IGLL5: variants seen among roughly 807,000 people sequenced by gnomAD.
The protein encoded by IGLL5 is immunoglobulin lambda like polypeptide 5.
A neutral mutation model predicts 20.9 loss-of-function variants in IGLL5; 30 were observed. The ratio of observed to expected loss-of-function variants is 1.44; its 90% confidence interval spans 1.07 to 1.95. IGLL5 has a LOEUF of 1.95. IGLL5 is among the 30% of genes most tolerant of loss of function. The pLI is 0.00. For synonymous variants in IGLL5, 203 were observed against 117.3 expected (o/e 1.73, Z -4.72); for missense variants, 475 against 270.7 (o/e 1.75, Z -5.30).
At chr22:22,893,921 A>T (rs1306244549) in intron 2 of IGLL5, 103 bp downstream of exon 2, 17 of 836,582 alleles carry the variant, frequency 2.0e-5, no homozygotes, top group Middle Eastern at 2.2e-4. Context: ...TCCCAGCCTT[A>T]AGCACTGACC....
chr22:22,895,824 A>T lies in IGLL5; in HGVS notation c.*130A>T, dbSNP rs1601632485. 1 of 870,186 alleles carries T rather than the reference A, an allele frequency of 1.1e-6. No individual in the cohort carries two copies. Among genetic ancestry groups the T allele is most frequent in the Non-Finnish European group, 1.9e-6 (1 of 536,934 alleles). 53.9% of individuals were successfully genotyped at this position (870,186 alleles called of 1,614,324 possible). A position where few individuals can be genotyped will look rare whatever the true frequency, so the allele number is the denominator to read the frequency against. On this transcript the variant is annotated 3_prime_UTR_variant, in exon 3 of 3. Transcript: ENST00000526893. Reference sequence around the variant, plus strand: ...GAAACCCCAATAAATATCCTCATTGACAACCAGAAATCTTGTTTTATCTCA... The same window carrying T: ...GAAACCCCAATAAATATCCTCATTGTCAACCAGAAATCTTGTTTTATCTCA...
chr22:22,895,155 C>T (rs2066728117), intron 2 of IGLL5, among the ~76,000 whole-genome samples: 1 of 151,326 alleles, frequency 6.6e-6, no homozygotes, highest in Admixed American at 6.6e-5. Flanking sequence ...TGGGCCAGGA[C>T]ACCTGTGAAA....
intron 2 of IGLL5, among the ~76,000 whole-genome samples, chr22:22,894,423 C>G (rs2068029619): frequency 1.3e-5 from 2 of 151,460 alleles, no homozygotes; most frequent in African/African-American, 4.8e-5. Flanking sequence ...ACGGGTGAGA[C>G]TGGGTGAGGT....
At chr22:22,889,141 G>A (rs141583502) in intron 1 of IGLL5, among the ~76,000 whole-genome samples, 2,582 of 151,154 alleles carry the variant, frequency 0.017, 41 homozygotes, top group Non-Finnish European at 0.026. Context: ...AGGCTGATGC[G>A]ACGCCCGATT....
At chr22:22,888,288 G>A in intron 1 of IGLL5, 29 bp downstream of exon 1, 2 of 1,541,568 alleles carry the variant, frequency 1.3e-6, no homozygotes, top group Non-Finnish European at 8.8e-7. Context: ...CAGGGGATGT[G>A]GGGGTCCTGC....
In IGLL5 at chr22:22,888,233, A is replaced by C. The variant is rs1324896624; in HGVS notation, c.180A>C (p.Arg60=). The C allele has an allele frequency of 2.6e-6, 4 of 1,547,958 alleles. No individual in the cohort carries two copies. The highest frequency in any genetic ancestry group is 2.5e-5 in the East Asian group (1 of 40,588). ...PDPGASVGSS[R]SSLRSLWGRL... ...CTGGAGCCTCAGTTGGAAGCAGCCGATCCAGCCTGCGGAGCCTGTGGGGCA... is the reference window on the plus strand; with the variant it reads ...CTGGAGCCTCAGTTGGAAGCAGCCGCTCCAGCCTGCGGAGCCTGTGGGGCA... The change falls in exon 1 of 3, where the codon CGA becomes CGC. Residue 60 remains arginine, a synonymous_variant. Coordinates refer to ENST00000526893, the MANE Select transcript of IGLL5 (RefSeq NM_001178126.2).
chr22:22,888,680 C>G (rs2145983652), intron 1 of IGLL5, among the ~76,000 whole-genome samples: 1 of 151,366 alleles, frequency 6.6e-6, no homozygotes. Context: ...GGGCAGGGGC[C>G]ACTCCCTGGA....
intron 1 of IGLL5, among the ~76,000 whole-genome samples, 174 bp downstream of exon 1, chr22:22,888,433 A>C (rs186581925): frequency 2.0e-5 from 3 of 151,408 alleles, no homozygotes; most frequent in East Asian, 2.0e-4. Flanking sequence ...ATTTGTTTGA[A>C]TTACTGTTTT....
intron 2 of IGLL5, among the ~76,000 whole-genome samples, chr22:22,894,468 A>G (rs2068035543): frequency 5.9e-5 from 9 of 151,330 alleles, no homozygotes; most frequent in Admixed American, 2.6e-4. Flanking sequence ...AGTCACCAGA[A>G]AGGAGACAGT....
chr22:22,895,441 A>C lies in IGLL5; in HGVS notation c.392A>C (p.Lys131Thr), dbSNP rs2066746038. The change falls in exon 3 of 3, where the codon AAG becomes ACG. Residue 131 changes from lysine to threonine, a missense_variant. Lys to Thr is a moderately conservative substitution (Grantham distance 78, BLOSUM62 -1). Transcript: ENST00000526893. ...TCCTCTGAGGAGCTCCAAGCCAACAAGGCCACACTAGTGTGTCTGATCAGT... is the reference window on the plus strand; with the variant it reads ...TCCTCTGAGGAGCTCCAAGCCAACACGGCCACACTAGTGTGTCTGATCAGT... ...PPSSEELQAN[K>T]ATLVCLISDF... 1 of 1,612,796 alleles carries C rather than the reference A, an allele frequency of 6.2e-7. No homozygotes were observed. The highest frequency in any genetic ancestry group is 1.3e-5 in the African/African-American group (1 of 74,742).
intron 1 of IGLL5, among the ~76,000 whole-genome samples, chr22:22,889,866 A>G (rs1302447473): frequency 1.3e-5 from 2 of 151,288 alleles, no homozygotes; most frequent in Admixed American, 6.6e-5. Context: ...CACGTGCTGG[A>G]ATTACAGGCG....
rs192388840 is a variant in IGLL5 at position 22,895,525 on chromosome 22, C to A, written c.476C>A (p.Ala159Glu). ...AWKADGSPVK[A>E]GVETTKPSKQ... The stretch of plus-strand genomic sequence containing the variant: ...AAGGCAGATGGCAGCCCCGTCAAGG[C>A]GGGAGTGGAGACCACCAAACCCTCC... Residue 159 changes from alanine (A) to glutamate (E), a missense_variant, in exon 3 of 3, where the codon GCG becomes GAG. Physicochemically the swap from Ala to Glu is moderately radical, Grantham distance 107. Transcript: ENST00000526893. 3 of 1,612,616 alleles carry A rather than the reference C, an allele frequency of 1.9e-6. No homozygotes were observed. The highest frequency in any genetic ancestry group is 2.5e-6 in the Non-Finnish European group (3 of 1,179,636).
At chr22:22,888,963 G>C (rs530001696) in intron 1 of IGLL5, among the ~76,000 whole-genome samples, 4 of 151,376 alleles carry the variant, frequency 2.6e-5, no homozygotes, top group East Asian at 2.0e-4. Context: ...TCAGAGGAGA[G>C]GAGAGCACAG....
At chr22:22,894,416 G>A (rs187619901) in intron 2 of IGLL5, among the ~76,000 whole-genome samples, 5 of 151,444 alleles carry the variant, frequency 3.3e-5, no homozygotes, top group South Asian at 4.2e-4. Context: ...CAGAGGGACG[G>A]GTGAGACTGG....
At chr22:22,894,492 G>C (rs2066660639) in intron 2 of IGLL5, among the ~76,000 whole-genome samples, 5 of 151,530 alleles carry the variant, frequency 3.3e-5, no homozygotes, top group South Asian at 2.1e-4. Context: ...TTAGGGCAGA[G>C]ATGTGTCTGT....
chr22:22,894,197 G>T (rs2067996595), intron 2 of IGLL5, among the ~76,000 whole-genome samples: 2 of 151,484 alleles, frequency 1.3e-5, no homozygotes, highest in Admixed American at 6.6e-5. Context: ...GTGGGCCTGG[G>T]AGCTGCTGAG....
Position 22,895,639 on chromosome 22 carries a change from T to C in IGLL5, c.590T>C (p.Val197Ala), listed in dbSNP as rs1431053312. 6.2e-7 allele frequency: 1 copy of C among 1,613,112 alleles called. No homozygotes were observed. Among genetic ancestry groups the C allele is most frequent in the Non-Finnish European group, 8.5e-7 (1 of 1,179,774 alleles). Reference sequence around the variant, plus strand: ...TCCCACAGAAGCTACAGCTGCCAGGTCACGCATGAAGGGAGCACCGTGGAG... The same window carrying C: ...TCCCACAGAAGCTACAGCTGCCAGGCCACGCATGAAGGGAGCACCGTGGAG... ...WKSHRSYSCQ[V>A]THEGSTVEKT... Residue 197 changes from valine (V) to alanine (A), a missense_variant, in exon 3 of 3, where the codon GTC becomes GCC. Transcript: ENST00000526893.
intron 2 of IGLL5, among the ~76,000 whole-genome samples, 165 bp downstream of exon 2, chr22:22,893,983 GGCA>G: frequency 6.6e-6 from 1 of 151,192 alleles, no homozygotes; most frequent in Non-Finnish European, 1.5e-5. Flanking sequence ...CCGGGTAACC[GGCA>G]GGAAGGGCCT....
intron 2 of IGLL5, 94 bp downstream of exon 2, chr22:22,893,912 C>G (rs2067946413): frequency 3.4e-6 from 3 of 891,480 alleles, no homozygotes; most frequent in African/African-American, 3.3e-5. Flanking sequence ...CCTCTGTCCT[C>G]CCAGCCTTAA....
Sources: allele counts gnomAD v4.1 joint callset (sites outside exome capture counted in the v4.1 genomes callset), GRCh38; gene constraint gnomAD v4.1.1; transcripts MANE v1.5; gene names NCBI Gene and HGNC (gene_info 2026-07-23, HGNC 2026-07-21).